The following TTF2 variants were observed in gnomAD, a reference collection of about 807,000 sequenced individuals.
TTF2 encodes transcription termination factor 2, also known as RNA polymerase II termination factor.
TTF2 carries 108 observed loss-of-function variants against 142.4 expected under a neutral mutation model. That is an observed-to-expected ratio of 0.76 (90% confidence interval 0.65 to 0.89). The LOEUF (loss-of-function observed/expected upper bound fraction) is 0.89. Ranked by LOEUF, TTF2 falls within the 40% of genes least tolerant of loss-of-function variation. The pLI, the probability that TTF2 is intolerant of heterozygous loss-of-function variation, is 0.00. For synonymous variants in TTF2, 483 were observed against 506.2 expected (o/e 0.95, Z 0.61); for missense variants, 1,327 against 1,379.8 (o/e 0.96, Z 0.61).
intron 10 of TTF2, chr1:117,082,223 T>G (rs1024190859): frequency 1.8e-4 from 69 of 384,660 alleles, no homozygotes; most frequent in Non-Finnish European, 2.0e-4. Context: ...ATAATAATTC[T>G]TATTTTTTGA....
intron 3 of TTF2, among the ~76,000 whole-genome samples, chr1:117,072,422 CT>C (rs34927356): frequency 2.2e-3 from 229 of 102,026 alleles, no homozygotes; most frequent in South Asian, 4.1e-3. Context: ...AAGATACGGA[CT>C]TTTTTTTTTT....
At position 117,093,460 on chromosome 1, in the gene TTF2, C is replaced by G. The variant is rs187374566; in HGVS notation, c.2976+559C>G. On this transcript the variant is annotated intron_variant, in intron 18 of 22. Transcript: ENST00000369466. The surrounding 1 kb of genome is among the most constrained non-coding windows in gnomAD (Gnocchi z 4.5). ...CCTGAATCCTGCCTGTCTGCTGGCTCGGAATGTGCTTCATCATCCTGCCTG... is the reference window on the plus strand; with the variant it reads ...CCTGAATCCTGCCTGTCTGCTGGCTGGGAATGTGCTTCATCATCCTGCCTG... Among the ~76,000 whole-genome samples the G allele has an allele frequency of 1.3e-5, 2 of 152,132 alleles. No homozygotes were observed. The highest frequency in any genetic ancestry group is 2.9e-5 in the Non-Finnish European group (2 of 68,032).
chr1:117,077,332 T>C (rs1208800047), intron 7 of TTF2, among the ~76,000 whole-genome samples: 4 of 152,214 alleles, frequency 2.6e-5, no homozygotes, highest in Admixed American at 6.5e-5. Flanking sequence ...TAGCTTTCTG[T>C]GAGGGCACAG....
At position 117,100,835 on chromosome 1, in the gene TTF2, T is replaced by C. The variant is rs572621526; in HGVS notation, c.3345-545T>C. ...CAGGTCATATTATTGTTTATTTTCA[T>C]GTTTGTCTCGCTTTTGTTCTGCTTT... On this transcript the variant is annotated intron_variant, in intron 22 of 22. Transcript: ENST00000369466. This position sits in a 1 kb window ranked among gnomAD's most constrained non-coding sequence, Gnocchi z 4.6. Among the ~76,000 whole-genome samples, 40 of 152,358 alleles carry C rather than the reference T, an allele frequency of 2.6e-4. No individual in the cohort carries two copies. Among genetic ancestry groups the C allele is most frequent in the Non-Finnish European group, 4.1e-4 (28 of 68,032 alleles).
At position 117,060,343 on chromosome 1, in the gene TTF2, C is replaced by A. The variant is rs202173875; in HGVS notation, c.-4C>A. 4.7e-4 allele frequency: 756 copies of A among 1,594,660 alleles called. 4 individuals carry two copies. The African/African-American group carries it at 9.3e-3, about 20-fold the overall frequency. On this transcript the variant is annotated 5_prime_UTR_variant, in exon 1 of 23. Coordinates refer to ENST00000369466, the MANE Select transcript of TTF2 (RefSeq NM_003594.4). Reference sequence around the variant, plus strand: ...GCTTTGTGGAACTTGGGGGACCCAGCGAAATGGAAGAAGTTAGGTGTCCAG... The same window carrying A: ...GCTTTGTGGAACTTGGGGGACCCAGAGAAATGGAAGAAGTTAGGTGTCCAG...
intron 8 of TTF2, among the ~76,000 whole-genome samples, chr1:117,078,711 C>T (rs1161587323): frequency 1.3e-5 from 2 of 152,176 alleles, no homozygotes; most frequent in Non-Finnish European, 2.9e-5. Context: ...TATGGAATCG[C>T]TGTAGCATTT....
In TTF2 at chr1:117,104,512, A is replaced by T. The variant is rs1192348192; in HGVS notation, c.*2988A>T. The stretch of plus-strand genomic sequence containing the variant: ...TCAGATATTGAGGCCATTGACAAGT[A>T]ATCTACTGTAAGGTAGATGCCTCCT... On this transcript the variant is annotated 3_prime_UTR_variant, in exon 23 of 23. Transcript: ENST00000369466. 1 of 152,214 alleles carries T rather than the reference A, an allele frequency of 6.6e-6. No homozygotes were observed. The highest frequency in any genetic ancestry group is 1.5e-5 in the Non-Finnish European group (1 of 68,036). 9.4% of individuals were successfully genotyped at this position (152,214 alleles called of 1,614,324 possible).
Position 117,081,837 on chromosome 1 carries a change from T to C in TTF2, c.1793T>C (p.Met598Thr), listed in dbSNP as rs781440556. Residue 598 changes from methionine (M) to threonine (T), a missense_variant, in exon 10 of 23, where the codon ATG becomes ACG. Met to Thr is a moderately conservative substitution (Grantham distance 81, BLOSUM62 -1). Transcript: ENST00000369466. ...KPQGGILADD[M>T]GLGKTLTMIA... ...TGCTTTTATTTTCTAGCAGATGATA[T>C]GGGCTTAGGAAAAACCCTGACAATG... 2 of 1,613,492 alleles carry C rather than the reference T, an allele frequency of 1.2e-6. No homozygotes were observed. The highest frequency in any genetic ancestry group is 1.1e-5 in the South Asian group (1 of 90,948).
In TTF2 at chr1:117,099,055, C is replaced by T. The variant is rs1292739865; in HGVS notation, c.3344+148C>T. On this transcript the variant is annotated intron_variant, in intron 22 of 22. Transcript: ENST00000369466. This position sits in a 1 kb window ranked among gnomAD's most constrained non-coding sequence, Gnocchi z 4.3. Reference sequence around the variant, plus strand: ...CTGAGGCATACCTTCAGGCAAACCACAGTCAGGAGAAAAACGAGCAATTTG... The same window carrying T: ...CTGAGGCATACCTTCAGGCAAACCATAGTCAGGAGAAAAACGAGCAATTTG... The T allele has an allele frequency of 1.5e-6, 1 of 667,814 alleles. No individual in the cohort carries two copies. The highest frequency in any genetic ancestry group is 3.2e-5 in the East Asian group (1 of 31,234). 41.4% of individuals were successfully genotyped at this position (667,814 alleles called of 1,614,324 possible).
At chr1:117,078,904 A>T (rs1415927817) in intron 8 of TTF2, among the ~76,000 whole-genome samples, 1 of 152,170 alleles carries the variant, frequency 6.6e-6, no homozygotes, top group Non-Finnish European at 1.5e-5. Flanking sequence ...AATAATGAAA[A>T]GCCAATGTAA....
At chr1:117,096,023 T>G in intron 19 of TTF2, 126 bp from the exon 20 acceptor site, 1 of 983,252 alleles carries the variant, frequency 1.0e-6, no homozygotes, top group Non-Finnish European at 1.5e-6. Context: ...CTCCCTTAGG[T>G]AGCAGAAGGC....
In TTF2 at chr1:117,106,551, C is replaced by A. The variant is rs1486970255; in HGVS notation, c.*5027C>A. 1 of 152,218 alleles carries A rather than the reference C, an allele frequency of 6.6e-6. No individual in the cohort carries two copies. The highest frequency in any genetic ancestry group is 1.5e-5 in the Non-Finnish European group (1 of 68,046). The allele number at this position is 152,218 out of a possible 1,614,324, so 9.4% of individuals were successfully genotyped here. ...AAAGTAAGCAAAAATGAAAAACTAT[C>A]CTGTCCTCCTGAGGCTTAGCATCTA... On this transcript the variant is annotated 3_prime_UTR_variant, in exon 23 of 23. Transcript: ENST00000369466.
chr1:117,086,316 C>A lies in TTF2; in HGVS notation c.2055-101C>A, dbSNP rs1648006894. The A allele has an allele frequency of 1.3e-6, 1 of 753,506 alleles. No homozygotes were observed. The highest frequency in any genetic ancestry group is 1.7e-5 in the African/African-American group (1 of 58,286). 46.7% of individuals were successfully genotyped at this position (753,506 alleles called of 1,614,324 possible). A position where few individuals can be genotyped will look rare whatever the true frequency, so the allele number is the denominator to read the frequency against. On this transcript the variant is annotated intron_variant, in intron 11 of 22. Transcript: ENST00000369466. This position sits in a 1 kb window ranked among gnomAD's most constrained non-coding sequence, Gnocchi z 4.2. ...CAAGTTAATGAGTTCTGCTGTTTGT[C>A]CTTCCATTTGTAGGCATTTTTATTG... is the stretch of plus-strand genomic sequence containing the variant.
rs745389088 is a variant in TTF2 at position 117,083,981 on chromosome 1, G to A, written c.1904-37G>A. 2.5e-6 allele frequency: 4 copies of A among 1,610,566 alleles called. No individual in the cohort carries two copies. The Middle Eastern group carries it at 5.0e-4, about 200-fold the overall frequency. ...AAAGAAAAGTTAAAAGCCATTTGGTGAATGTAACTAGGCACTGATTTTTTT... is the reference window on the plus strand; with the variant it reads ...AAAGAAAAGTTAAAAGCCATTTGGTAAATGTAACTAGGCACTGATTTTTTT... On this transcript the variant is annotated intron_variant, in intron 10 of 22. Transcript: ENST00000369466.
At chr1:117,077,793 G>A in intron 7 of TTF2, 123 bp from the exon 8 acceptor site, 1 of 1,336,476 alleles carries the variant, frequency 7.5e-7, no homozygotes, top group South Asian at 1.3e-5. Flanking sequence ...ATGGAAAGTT[G>A]AGGAGAGTAG....
chr1:117,084,800 T>G (rs1647864729), intron 11 of TTF2, among the ~76,000 whole-genome samples: 1 of 152,220 alleles, frequency 6.6e-6, no homozygotes, highest in Non-Finnish European at 1.5e-5. Context: ...GATTGAATAC[T>G]GGCTGCTGTA....
In TTF2 at chr1:117,079,251, TAAAAA is replaced by T. The variant is rs574002991; in HGVS notation, c.1702-314_1702-310del. On this transcript the variant is annotated intron_variant, in intron 8 of 22. Transcript: ENST00000369466. This position sits in a 1 kb window ranked among gnomAD's most constrained non-coding sequence, Gnocchi z 4.2. Reference sequence around the variant, plus strand: ...CGAGGCTGTCTCAAAAAAATAAAAATAAAAAAATAAAAGCTGTAGAGACTGATTTT... The same window carrying T: ...CGAGGCTGTCTCAAAAAAATAAAAATAATAAAAGCTGTAGAGACTGATTTT... Among the ~76,000 whole-genome samples the T allele has an allele frequency of 1.2e-4, 18 of 151,746 alleles. No homozygotes were observed. The East Asian group carries it at 3.3e-3, about 28-fold the overall frequency.
At position 117,077,888 on chromosome 1, in the gene TTF2, C is replaced by T. The variant is rs775813061; in HGVS notation, c.1574-28C>T. On this transcript the variant is annotated intron_variant, in intron 7 of 22. Coordinates refer to ENST00000369466, the MANE Select transcript of TTF2 (RefSeq NM_003594.4). ...GATAAAGAAAACATACTTGTGACAT[C>T]TTTTAGGTAACACCTATTTGTATGC... 4 of 1,613,090 alleles carry T rather than the reference C, an allele frequency of 2.5e-6. No individual in the cohort carries two copies. In the South Asian group the frequency reaches 4.4e-5, roughly 18 times the overall value.
In TTF2 at chr1:117,100,718, T is replaced by A. The variant is rs1649521746; in HGVS notation, c.3345-662T>A. Among the ~76,000 whole-genome samples, 1 of 152,120 alleles carries A rather than the reference T, an allele frequency of 6.6e-6. No homozygotes were observed. Among genetic ancestry groups the A allele is most frequent in the Non-Finnish European group, 1.5e-5 (1 of 68,024 alleles). On this transcript the variant is annotated intron_variant, in intron 22 of 22. Coordinates refer to ENST00000369466, the MANE Select transcript of TTF2 (RefSeq NM_003594.4). This position sits in a 1 kb window ranked among gnomAD's most constrained non-coding sequence, Gnocchi z 4.6. ...CAACATACAAGTCTCATATTAAGAG[T>A]TAACTGTTTAATGGGGCCCTCCCTG...
Sources: allele counts gnomAD v4.1 joint callset (sites outside exome capture counted in the v4.1 genomes callset), GRCh38; gene constraint gnomAD v4.1.1; non-coding constraint Gnocchi (gnomAD v3.1); transcripts MANE v1.5; gene names NCBI Gene and HGNC (gene_info 2026-07-23, HGNC 2026-07-21).